MED12L: variants seen among roughly 807,000 people sequenced by gnomAD.
MED12L encodes the protein mediator complex subunit 12L.
MED12L carries 60 observed loss-of-function variants against 281.3 expected under a neutral mutation model. The observed-to-expected ratio is 0.21, with a 90% CI of 0.17 to 0.26. The LOEUF is 0.26. Ranked by LOEUF, MED12L falls within the 10% of genes least tolerant of loss-of-function variation. MED12L has a pLI of 1.00. For synonymous variants in MED12L, 974 were observed against 987.2 expected (o/e 0.99, Z 0.25); for missense variants, 2,146 against 2,680.9 (o/e 0.80, Z 4.41).
At chr3:151,104,311 C>A (rs1310993345) in intron 2 of MED12L, among the ~76,000 whole-genome samples, 1 of 152,182 alleles carries the variant, frequency 6.6e-6, no homozygotes, top group Admixed American at 6.5e-5. Flanking sequence ...ACCTCTGGCC[C>A]TCTTCAGGAG....
intron 43 of MED12L, among the ~76,000 whole-genome samples, chr3:151,429,777 T>C (rs993329554): frequency 4.6e-5 from 7 of 152,168 alleles, no homozygotes; most frequent in Non-Finnish European, 7.4e-5. Context: ...AGGCCCGGGC[T>C]CTGAGGGTGG....
chr3:151,392,620 T>G (rs1382428993), intron 38 of MED12L, among the ~76,000 whole-genome samples: 3 of 152,072 alleles, frequency 2.0e-5, no homozygotes, highest in Non-Finnish European at 4.4e-5. Context: ...TCCATTCATA[T>G]AGGGTTTAAA....
intron 16 of MED12L, among the ~76,000 whole-genome samples, chr3:151,218,097 G>T (rs1305419124): frequency 6.6e-6 from 1 of 152,114 alleles, no homozygotes; most frequent in East Asian, 1.9e-4. Context: ...CTCATACAGG[G>T]ACCTACAGAA....
At chr3:151,130,082 A>G (rs912366275) in intron 5 of MED12L, among the ~76,000 whole-genome samples, 1 of 152,110 alleles carries the variant, frequency 6.6e-6, no homozygotes, top group Non-Finnish European at 1.5e-5. Context: ...CATTGGATTT[A>G]TTAATACTTC....
chr3:151,413,135 C>T lies in MED12L; in HGVS notation c.6141-4C>T, dbSNP rs781708913. Reference sequence around the variant, plus strand: ...CTGAACCAAGTTGCATTATTCTTTGCCAGACTGAACCATCAGGCTCTACAG... The same window carrying T: ...CTGAACCAAGTTGCATTATTCTTTGTCAGACTGAACCATCAGGCTCTACAG... On this transcript the variant is annotated splice_polypyrimidine_tract_variant and splice_region_variant and intron_variant, in intron 41 of 44. Transcript: ENST00000687756. 28 of 1,609,242 alleles carry T rather than the reference C, an allele frequency of 1.7e-5. No individual in the cohort carries two copies. Among genetic ancestry groups the T allele is most frequent in the Non-Finnish European group, 2.4e-5 (28 of 1,176,276 alleles).
Position 151,127,977 on chromosome 3 carries a change from G to A in MED12L, c.549G>A (p.Pro183=), listed in dbSNP as rs148202747. The part of the protein sequence containing the change: ...AKIKKRQAPD[P]NLEWTQISTR... ...TTAAGAAACGTCAGGCTCCTGATCC[G>A]AATTTGGGTAAGTGAGAGAATACAA... Residue 183 remains proline, a synonymous_variant, in exon 5 of 45, where the codon CCG becomes CCA. Coordinates refer to ENST00000687756, the MANE Select transcript of MED12L (RefSeq NM_001393769.1). 1.2e-5 allele frequency: 19 copies of A among 1,610,904 alleles called. 1 individual carries two copies. Among genetic ancestry groups the A allele is most frequent in the South Asian group, 6.6e-5 (6 of 90,340 alleles).
At chr3:151,269,653 G>A in intron 16 of MED12L, 1 of 397,704 alleles carries the variant, frequency 2.5e-6, no homozygotes, top group South Asian at 2.1e-5. Context: ...GAGTTGAAGT[G>A]ACAGAATTTG....
chr3:151,416,694 G>A (rs16863379), intron 43 of MED12L, among the ~76,000 whole-genome samples: 181 of 152,228 alleles, frequency 1.2e-3, no homozygotes, highest in Admixed American at 2.5e-3. Context: ...ACATTGAGAC[G>A]TGGTCTTTTT....
At chr3:151,203,293 T>G (rs547354857) in intron 16 of MED12L, 1 of 152,318 alleles carries the variant, frequency 6.6e-6, no homozygotes, top group African/African-American at 2.4e-5. Flanking sequence ...TGCAAGTAGT[T>G]TAACTTTATG....
intron 4 of MED12L, among the ~76,000 whole-genome samples, chr3:151,125,555 G>C (rs879549559): frequency 1.3e-5 from 2 of 152,164 alleles, no homozygotes; most frequent in Non-Finnish European, 2.9e-5. Context: ...GCTAACTTGC[G>C]CTTGTTTATG....
intron 16 of MED12L, among the ~76,000 whole-genome samples, chr3:151,247,091 AT>A (rs1392762729): frequency 6.6e-6 from 1 of 152,242 alleles, no homozygotes; most frequent in Admixed American, 6.5e-5. Context: ...TAGATTGGCA[AT>A]AATTAAAAAG....
At position 151,300,045 on chromosome 3, in the gene MED12L, T is replaced by A. The variant is rs201423332; in HGVS notation, c.2251-50014T>A. The A allele has an allele frequency of 1.9e-5, 30 of 1,540,924 alleles. No homozygotes were observed. In the Admixed American group the frequency reaches 5.0e-4, roughly 26 times the overall value. On this transcript the variant is annotated intron_variant, in intron 16 of 44. Coordinates refer to ENST00000687756, the MANE Select transcript of MED12L (RefSeq NM_001393769.1). ...GTCATCAATAAAGTAAGATTTTCTTTGTATCTCTTACGACGGCTTACTTGG... is the reference window on the plus strand; with the variant it reads ...GTCATCAATAAAGTAAGATTTTCTTAGTATCTCTTACGACGGCTTACTTGG...
intron 2 of MED12L, among the ~76,000 whole-genome samples, chr3:151,109,341 G>T (rs1209518356): frequency 6.6e-6 from 1 of 152,194 alleles, no homozygotes; most frequent in Non-Finnish European, 1.5e-5. Flanking sequence ...ACCGCACTGG[G>T]CCGAAGGTCT....
intron 16 of MED12L, among the ~76,000 whole-genome samples, chr3:151,311,363 C>T (rs1747484987): frequency 6.6e-6 from 1 of 151,590 alleles, no homozygotes; most frequent in African/African-American, 2.4e-5. Context: ...TTGTTGTTTA[C>T]ATTATGAAAT....
intron 16 of MED12L, among the ~76,000 whole-genome samples, chr3:151,275,301 T>G (rs1259362665): frequency 6.6e-6 from 1 of 152,134 alleles, no homozygotes; most frequent in Non-Finnish European, 1.5e-5. Flanking sequence ...TTTTCTTTGG[T>G]ATCTTAACCT....
intron 41 of MED12L, 53 bp from the exon 42 acceptor site, chr3:151,413,086 A>G (rs1717137842): frequency 2.5e-6 from 4 of 1,574,648 alleles, no homozygotes; most frequent in Admixed American, 1.7e-5. Context: ...AGCACTGATT[A>G]AAAGTTTGAC....
intron 16 of MED12L, among the ~76,000 whole-genome samples, chr3:151,309,615 C>G (rs941798492): frequency 7.9e-5 from 12 of 152,190 alleles, no homozygotes; most frequent in African/African-American, 2.9e-4. Context: ...TCATCTGCCT[C>G]CTCTTCTCAG....
At chr3:151,213,570 G>T (rs1435163836) in intron 16 of MED12L, 1 of 1,614,152 alleles carries the variant, frequency 6.2e-7, no homozygotes, top group South Asian at 1.1e-5. Context: ...TGGCAATATG[G>T]TAAGGTACAA....
At chr3:151,422,981 C>G (rs1464217988) in intron 43 of MED12L, among the ~76,000 whole-genome samples, 5 of 141,406 alleles carry the variant, frequency 3.5e-5, no homozygotes, top group African/African-American at 1.3e-4. Context: ...TTGCACAAGT[C>G]CCTTCTATTT....
Sources: gnomAD v4.1 joint callset for allele counts (sites outside exome capture counted in the v4.1 genomes callset) on GRCh38, gnomAD v4.1.1 for gene constraint, MANE v1.5 for transcripts, NCBI Gene and HGNC (gene_info 2026-07-23, HGNC 2026-07-21) for gene names.